The following GALNTL6 variants were observed in gnomAD, a reference collection of about 807,000 sequenced individuals.
GALNTL6 encodes the protein polypeptide N-acetylgalactosaminyltransferase-like 6.
Under a neutral mutation model 73.7 loss-of-function variants are expected in GALNTL6, and 46 were observed. The observed-to-expected ratio is 0.62, with a 90% CI of 0.49 to 0.80. GALNTL6 has a LOEUF of 0.80. Ranked by LOEUF, GALNTL6 falls within the 30% of genes least tolerant of loss-of-function variation. The pLI is 0.00. For synonymous variants in GALNTL6, 259 were observed against 263.7 expected, an observed-to-expected ratio of 0.98 and a Z score of 0.17; for missense variants, 604 against 755.0, an observed-to-expected ratio of 0.80 and a Z score of 2.34.
intron 2 of GALNTL6, among the ~76,000 whole-genome samples, chr4:171,844,319 AT>A (rs1346752446): frequency 6.6e-6 from 1 of 152,010 alleles, no homozygotes; most frequent in Non-Finnish European, 1.5e-5. Context: ...CCATTTTACC[AT>A]TTATATCTAA....
intron 2 of GALNTL6, among the ~76,000 whole-genome samples, chr4:172,167,184 G>T (rs1346793022): frequency 6.6e-6 from 1 of 152,100 alleles, no homozygotes; most frequent in Admixed American, 6.6e-5. Context: ...TCAGAATTTG[G>T]GGGAGTAGTG....
At position 172,515,048 on chromosome 4, in the gene GALNTL6, A is replaced by G. The variant is rs117036843; in HGVS notation, c.553+166359A>G. Reference sequence around the variant, plus strand: ...GTCCCTCTGGTATTTCTTGGAGCAAAAGTTCACAGTGTAAGTCTCCATACA... The same window carrying G: ...GTCCCTCTGGTATTTCTTGGAGCAAGAGTTCACAGTGTAAGTCTCCATACA... On this transcript the variant is annotated intron_variant, in intron 5 of 12. Transcript: ENST00000506823. 4.3e-3 allele frequency among the ~76,000 whole-genome samples: 653 copies of G among 152,264 alleles called. 4 individuals carry two copies. Among genetic ancestry groups the G allele is most frequent in the East Asian group, 0.036 (187 of 5,174 alleles).
At chr4:172,657,380 T>C (rs1325653733) in intron 5 of GALNTL6, among the ~76,000 whole-genome samples, 1 of 152,178 alleles carries the variant, frequency 6.6e-6, no homozygotes, top group African/African-American at 2.4e-5. Flanking sequence ...GAAATTCATC[T>C]TCTAAAGGTC....
At chr4:172,627,695 G>C (rs182303578) in intron 5 of GALNTL6, among the ~76,000 whole-genome samples, 1 of 151,978 alleles carries the variant, frequency 6.6e-6, no homozygotes, top group African/African-American at 2.4e-5. Flanking sequence ...ATACTGGTTT[G>C]CTTAGGGTTC....
intron 2 of GALNTL6, among the ~76,000 whole-genome samples, chr4:172,227,489 C>T (rs917876491): frequency 1.3e-5 from 2 of 152,016 alleles, no homozygotes; most frequent in Admixed American, 6.6e-5. Flanking sequence ...TTGTTTGAGT[C>T]GAAGAGAGAA....
chr4:172,488,580 C>G (rs976626043), intron 5 of GALNTL6, among the ~76,000 whole-genome samples: 3 of 152,108 alleles, frequency 2.0e-5, no homozygotes, highest in African/African-American at 7.2e-5. Flanking sequence ...GCAGGTGACC[C>G]AAGAAACTAG....
chr4:172,035,885 T>C (rs1001434845), intron 2 of GALNTL6, among the ~76,000 whole-genome samples: 2 of 152,122 alleles, frequency 1.3e-5, no homozygotes, highest in Non-Finnish European at 2.9e-5. Flanking sequence ...TAAAATCATG[T>C]AGTCATTCGC....
chr4:172,982,559 T>C (rs1194985633), intron 10 of GALNTL6, among the ~76,000 whole-genome samples: 1 of 152,164 alleles, frequency 6.6e-6, no homozygotes, highest in Non-Finnish European at 1.5e-5. Flanking sequence ...AGTCTACAAT[T>C]AGTGTGGGGC....
At chr4:172,214,359 A>G (rs1022080298) in intron 2 of GALNTL6, among the ~76,000 whole-genome samples, 2 of 152,084 alleles carry the variant, frequency 1.3e-5, no homozygotes, top group Admixed American at 6.6e-5. Context: ...GTAGGATTCC[A>G]TAGTCTTCTC....
chr4:172,895,238 G>C (rs1398823818), intron 8 of GALNTL6, among the ~76,000 whole-genome samples: 1 of 150,252 alleles, frequency 6.7e-6, no homozygotes, highest in Non-Finnish European at 1.5e-5. Flanking sequence ...TTTGTTACTT[G>C]TTTTCTAGTT....
intron 2 of GALNTL6, among the ~76,000 whole-genome samples, chr4:172,197,210 TA>T: frequency 6.6e-6 from 1 of 151,932 alleles, no homozygotes; most frequent in African/African-American, 2.4e-5. Flanking sequence ...AAGAATAAAA[TA>T]CCTAAGAATG....
chr4:172,907,598 C>T (rs1474586033), intron 8 of GALNTL6, among the ~76,000 whole-genome samples: 1 of 152,204 alleles, frequency 6.6e-6, no homozygotes, highest in African/African-American at 2.4e-5. Context: ...TGGATACATT[C>T]CAAGACCCCA....
intron 7 of GALNTL6, among the ~76,000 whole-genome samples, chr4:172,850,468 CTG>C (rs1743754540): frequency 6.6e-6 from 1 of 152,162 alleles, no homozygotes; most frequent in Non-Finnish European, 1.5e-5. Context: ...GAAAAACAAA[CTG>C]TTTTTTCTTC....
At chr4:171,837,325 C>T (rs1735118328) in intron 2 of GALNTL6, among the ~76,000 whole-genome samples, 1 of 151,896 alleles carries the variant, frequency 6.6e-6, no homozygotes, top group African/African-American at 2.4e-5. Flanking sequence ...AGAAATATTA[C>T]AACTAAATGC....
intron 8 of GALNTL6, among the ~76,000 whole-genome samples, chr4:172,899,417 T>C (rs1746504016): frequency 6.6e-6 from 1 of 152,194 alleles, no homozygotes; most frequent in Non-Finnish European, 1.5e-5. Context: ...TCTAAGGCAC[T>C]TTTAAGACCT....
intron 2 of GALNTL6, among the ~76,000 whole-genome samples, chr4:171,866,807 T>C (rs1261785283): frequency 1.3e-5 from 2 of 152,172 alleles, no homozygotes; most frequent in East Asian, 1.9e-4. Context: ...TTTTTCATAA[T>C]GGCATTAATC....
At chr4:172,302,977 G>T (rs1313068010) in intron 3 of GALNTL6, among the ~76,000 whole-genome samples, 1 of 151,590 alleles carries the variant, frequency 6.6e-6, no homozygotes, top group Non-Finnish European at 1.5e-5. Context: ...AGACATTCTT[G>T]TGCTACATTT....
At chr4:171,820,104 G>C (rs4481206) in intron 2 of GALNTL6, among the ~76,000 whole-genome samples, 40,790 of 151,878 alleles carry the variant, frequency 0.27, 6,495 homozygotes, top group African/African-American at 0.44. Flanking sequence ...AAAAACCTGT[G>C]TGCTATGGAA....
intron 2 of GALNTL6, among the ~76,000 whole-genome samples, chr4:172,076,336 G>A (rs916020767): frequency 2.0e-5 from 3 of 152,170 alleles, no homozygotes; most frequent in Middle Eastern, 3.2e-3. Context: ...CACATCAGGA[G>A]GGTAAAGATG....
Sources: allele counts gnomAD v4.1 joint callset (sites outside exome capture counted in the v4.1 genomes callset), GRCh38; gene constraint gnomAD v4.1.1; transcripts MANE v1.5; gene names NCBI Gene and HGNC (gene_info 2026-07-23, HGNC 2026-07-21).